Variants in SLC2A10 observed in about 807,000 individuals in gnomAD.
SLC2A10 encodes the protein solute carrier family 2 member 10.
In SLC2A10, 25 loss-of-function variants were observed where a neutral mutation model predicts 32.1. The ratio of observed to expected loss-of-function variants is 0.78; its 90% CI spans 0.57 to 1.09. The LOEUF is 1.09. Ranked by LOEUF, SLC2A10 falls within the 50% of genes least tolerant of loss-of-function variation. The pLI, the probability that SLC2A10 is intolerant of heterozygous loss-of-function variation, is 0.00. For synonymous variants in SLC2A10, 332 were observed against 309.6 expected, an observed-to-expected ratio of 1.07 and a Z score of -0.76; for missense variants, 673 against 686.5, an observed-to-expected ratio of 0.98 and a Z score of 0.22.
At chr20:46,722,138 A>G (rs1979589874) in intron 1 of SLC2A10, among the ~76,000 whole-genome samples, 1 of 152,234 alleles carries the variant, frequency 6.6e-6, no homozygotes, top group South Asian at 2.1e-4. Flanking sequence ...TCTTTAAAAA[A>G]AAAACCAGAT....
At chr20:46,731,513 G>A (rs1183325715) in intron 4 of SLC2A10, among the ~76,000 whole-genome samples, 1 of 152,186 alleles carries the variant, frequency 6.6e-6, no homozygotes, top group South Asian at 2.1e-4. Context: ...AAAAAGCAAC[G>A]GAGGCAGAAA....
At position 46,725,895 on chromosome 20, in the gene SLC2A10, G is replaced by A. The variant is rs780058786; in HGVS notation, c.859G>A (p.Ala287Thr). The part of the protein sequence containing the change: ...GAVKVAATLT[A>T]MGLVDRAGRR... ...AGTGAAGGTGGCAGCTACCCTGACC[G>A]CCATGGGGCTGGTGGACCGTGCAGG... The change falls in exon 2 of 5, where the codon GCC becomes ACC. Residue 287 changes from alanine to threonine, a missense_variant. Physicochemically the swap from Ala to Thr is moderately conservative, Grantham distance 58 (BLOSUM62 0). Transcript: ENST00000359271. 26 of 1,614,006 alleles carry A rather than the reference G, an allele frequency of 1.6e-5. No homozygotes were observed. Among genetic ancestry groups the A allele is most frequent in the East Asian group, 2.2e-5 (1 of 44,890 alleles).
Position 46,736,115 on chromosome 20 carries a change from A to G in SLC2A10, c.*2281A>G, listed in dbSNP as rs1488602753. 6.6e-6 allele frequency: 1 copy of G among 152,204 alleles called. No individual in the cohort carries two copies. Among genetic ancestry groups the G allele is most frequent in the Non-Finnish European group, 1.5e-5 (1 of 68,034 alleles). The allele number at this position is 152,204 out of a possible 1,614,324, so 9.4% of individuals were successfully genotyped here. A position where few individuals can be genotyped will look rare whatever the true frequency, so the allele number is the denominator to read the frequency against. ...TTAACAAAATATTCTGTAAGAATCA[A>G]TTGTCTATATGGAATTTAGGATAAA... On this transcript the variant is annotated 3_prime_UTR_variant, in exon 5 of 5. Coordinates refer to ENST00000359271, the MANE Select transcript of SLC2A10 (RefSeq NM_030777.4).
intron 2 of SLC2A10, among the ~76,000 whole-genome samples, chr20:46,726,653 C>T (rs771386463): frequency 5.3e-5 from 8 of 152,218 alleles, no homozygotes; most frequent in Non-Finnish European, 1.0e-4. Flanking sequence ...GTTCCCATCT[C>T]GGCATTGAAA....
At chr20:46,719,117 G>A (rs916872535) in intron 1 of SLC2A10, among the ~76,000 whole-genome samples, 2 of 151,818 alleles carry the variant, frequency 1.3e-5, no homozygotes, top group African/African-American at 4.8e-5. Context: ...ATGTATATTT[G>A]GGCGGAGGGG....
chr20:46,727,716 G>A (rs1170047626), intron 3 of SLC2A10, among the ~76,000 whole-genome samples: 1 of 152,162 alleles, frequency 6.6e-6, no homozygotes, highest in Admixed American at 6.6e-5. Flanking sequence ...AATGATGTGG[G>A]CCCAGAACAC....
rs1022701506 is a variant in SLC2A10 at position 46,734,262 on chromosome 20, G to A, written c.*428G>A. On this transcript the variant is annotated 3_prime_UTR_variant, in exon 5 of 5. Coordinates refer to ENST00000359271, the MANE Select transcript of SLC2A10 (RefSeq NM_030777.4). ...TTTTTCAACTGGCTGGGACATTTTC[G>A]GAAGGGGGAAGTCTCTTTTTTTACT... 9 of 212,614 alleles carry A rather than the reference G, an allele frequency of 4.2e-5. No homozygotes were observed. Among genetic ancestry groups the A allele is most frequent in the Admixed American group, 2.1e-4 (4 of 18,636 alleles). 13.2% of individuals were successfully genotyped at this position (212,614 alleles called of 1,614,324 possible). A position where few individuals can be genotyped will look rare whatever the true frequency, so the allele number is the denominator to read the frequency against.
Position 46,736,088 on chromosome 20 carries a change from T to A in SLC2A10, c.*2254T>A, listed in dbSNP as rs905436342. On this transcript the variant is annotated 3_prime_UTR_variant, in exon 5 of 5. Transcript: ENST00000359271. ...ATACAAGGTTTGGCAAAAAAAAAAATATTAACAAAATATTCTGTAAGAATC... is the reference window on the plus strand; with the variant it reads ...ATACAAGGTTTGGCAAAAAAAAAAAAATTAACAAAATATTCTGTAAGAATC... 7.9e-5 allele frequency: 12 copies of A among 151,954 alleles called. 1 individual carries two copies. The highest frequency in any genetic ancestry group is 2.2e-4 in the African/African-American group (9 of 41,408). 9.4% of individuals were successfully genotyped at this position (151,954 alleles called of 1,614,324 possible). A position where few individuals can be genotyped will look rare whatever the true frequency, so the allele number is the denominator to read the frequency against.
chr20:46,726,371 C>T (rs931405593), intron 2 of SLC2A10, 47 bp downstream of exon 2: 1 of 1,592,454 alleles, frequency 6.3e-7, no homozygotes. Context: ...TCTACCCCTC[C>T]TAGGGGGAAG....
Position 46,709,688 on chromosome 20 carries a change from C to A in SLC2A10, c.-49C>A, listed in dbSNP as rs1051736623. Reference sequence around the variant, plus strand: ...GCGTTGGGGACTCCGGCGGGGGATGCGCGCCCGGCCCCTCAGCGCCCCCAG... The same window carrying A: ...GCGTTGGGGACTCCGGCGGGGGATGAGCGCCCGGCCCCTCAGCGCCCCCAG... On this transcript the variant is annotated 5_prime_UTR_variant, in exon 1 of 5. Transcript: ENST00000359271. 1.3e-6 allele frequency: 2 copies of A among 1,534,028 alleles called. No individual in the cohort carries two copies. The highest frequency in any genetic ancestry group is 2.0e-5 in the Admixed American group (1 of 50,058).
At chr20:46,719,358 G>A (rs1286639966) in intron 1 of SLC2A10, among the ~76,000 whole-genome samples, 1 of 152,110 alleles carries the variant, frequency 6.6e-6, no homozygotes, top group Non-Finnish European at 1.5e-5. Flanking sequence ...GTATTAGTCT[G>A]TTTTCATGCT....
At chr20:46,717,418 C>T (rs1190607246) in intron 1 of SLC2A10, among the ~76,000 whole-genome samples, 1 of 152,124 alleles carries the variant, frequency 6.6e-6, no homozygotes, top group Non-Finnish European at 1.5e-5. Flanking sequence ...TGGAGTCTTG[C>T]TCTGTCGCCC....
At position 46,736,297 on chromosome 20, in the gene SLC2A10, A is replaced by ATATTTACAATAAAGAG. The variant is rs1404176919; in HGVS notation, c.*2481_*2496dup. ...TTGGCTATATGGAATTTAGGATAGAATATTTACAATAAAGAGTATTTACAA... is the reference window on the plus strand; with the variant it reads ...TTGGCTATATGGAATTTAGGATAGAATATTTACAATAAAGAGTATTTACAATAAAGAGTATTTACAA... On this transcript the variant is annotated 3_prime_UTR_variant, in exon 5 of 5. Coordinates refer to ENST00000359271, the MANE Select transcript of SLC2A10 (RefSeq NM_030777.4). 1.3e-5 allele frequency: 2 copies of ATATTTACAATAAAGAG among 152,348 alleles called. No individual in the cohort carries two copies. Among genetic ancestry groups the ATATTTACAATAAAGAG allele is most frequent in the East Asian group, 3.9e-4 (2 of 5,192 alleles). The allele number at this position is 152,348 out of a possible 1,614,324, so 9.4% of individuals were successfully genotyped here.
chr20:46,715,919 A>T (rs1290684376), intron 1 of SLC2A10, among the ~76,000 whole-genome samples: 2 of 150,642 alleles, frequency 1.3e-5, no homozygotes, highest in African/African-American at 4.9e-5. Context: ...GTAACCTCAA[A>T]CTCCTGGGCT....
At chr20:46,730,929 G>C (rs1439594701) in intron 4 of SLC2A10, among the ~76,000 whole-genome samples, 1 of 152,108 alleles carries the variant, frequency 6.6e-6, no homozygotes, top group Non-Finnish European at 1.5e-5. Context: ...TTCTATTATT[G>C]ACTAGCATCC....
Position 46,726,119 on chromosome 20 carries a change from G to A in SLC2A10, c.1083G>A (p.Glu361=), listed in dbSNP as rs1466945695. The A allele has an allele frequency of 6.2e-7, 1 of 1,614,142 alleles. No individual in the cohort carries two copies. Among genetic ancestry groups the A allele is most frequent in the Non-Finnish European group, 8.5e-7 (1 of 1,180,058 alleles). Residue 361 remains glutamate, a synonymous_variant, in exon 2 of 5, where the codon GAG becomes GAA. Transcript: ENST00000359271. ...TACCTCCCATTCCAAGGACCAATGA[G>A]GACCAAAGGGAGCCAATCTTGTCCA... is the stretch of plus-strand genomic sequence containing the variant. ...SSLPPIPRTN[E]DQREPILSTA...
rs1165235969 is a variant in SLC2A10, at chr20:46,734,628, A to G, written c.*794A>G. ...CCAGAATATTTATCCTTCACCAGCAACTCTGACTCTTTGACGGGAGGCCTC... is the reference window on the plus strand; with the variant it reads ...CCAGAATATTTATCCTTCACCAGCAGCTCTGACTCTTTGACGGGAGGCCTC... On this transcript the variant is annotated 3_prime_UTR_variant, in exon 5 of 5. Transcript: ENST00000359271. 1 of 151,868 alleles carries G rather than the reference A, an allele frequency of 6.6e-6. No individual in the cohort carries two copies. The highest frequency in any genetic ancestry group is 1.5e-5 in the Non-Finnish European group (1 of 67,996). The allele number at this position is 151,868 out of a possible 1,614,324, so 9.4% of individuals were successfully genotyped here.
At chr20:46,717,681 G>A (rs898695444) in intron 1 of SLC2A10, among the ~76,000 whole-genome samples, 2 of 152,094 alleles carry the variant, frequency 1.3e-5, no homozygotes, top group South Asian at 2.1e-4. Flanking sequence ...CACCACACAC[G>A]GCCAAGTTCA....
At chr20:46,729,638 T>TG in intron 4 of SLC2A10, 150 bp downstream of exon 4, 1 of 247,158 alleles carries the variant, frequency 4.0e-6, no homozygotes, top group Non-Finnish European at 6.3e-6. Flanking sequence ...TTTTTTTTTT[T>TG]TTTTTTTTTT....
Sources: allele counts gnomAD v4.1 joint callset (sites outside exome capture counted in the v4.1 genomes callset), GRCh38; gene constraint gnomAD v4.1.1; transcripts MANE v1.5; gene names NCBI Gene and HGNC (gene_info 2026-07-23, HGNC 2026-07-21).